Variants in SLIT2 observed in about 807,000 individuals in gnomAD.
SLIT2 encodes slit guidance ligand 2.
Under a neutral mutation model 185.7 loss-of-function variants are expected in SLIT2, and 41 were observed. The ratio of observed to expected loss-of-function variants is 0.22; its 90% confidence interval spans 0.17 to 0.29. SLIT2 has a LOEUF of 0.29. Among genes scored for constraint, SLIT2 ranks in the 10% least tolerant of loss-of-function variants. SLIT2 has a pLI of 1.00. For missense variants in SLIT2, 1,571 were observed against 1,909.0 expected (o/e 0.82, Z 3.30); for synonymous variants, 693 against 680.2 (o/e 1.02, Z -0.29).
chr4:20,563,903 A>G (rs1724887361), intron 26 of SLIT2, among the ~76,000 whole-genome samples: 2 of 151,888 alleles, frequency 1.3e-5, no homozygotes, highest in Admixed American at 1.3e-4. Flanking sequence ...AATGGCTGCC[A>G]TTATCCTAAT....
Position 20,567,258 on chromosome 4 carries a change from T to C in SLIT2, c.2726-4T>C, listed in dbSNP as rs1458590680. 6.3e-7 allele frequency: 1 copy of C among 1,597,344 alleles called. No individual in the cohort carries two copies. The highest frequency in any genetic ancestry group is 1.4e-5 in the African/African-American group (1 of 73,742). On this transcript the variant is annotated splice_region_variant and splice_polypyrimidine_tract_variant and intron_variant, in intron 26 of 36. Transcript: ENST00000504154. ...GTTGCTTATATTTTTGAATTAATTTTCAGGTCCTGTGGATGTCAATATTCT... is the reference window on the plus strand; with the variant it reads ...GTTGCTTATATTTTTGAATTAATTTCCAGGTCCTGTGGATGTCAATATTCT...
At chr4:20,549,915 C>T (rs1164511214) in intron 24 of SLIT2, among the ~76,000 whole-genome samples, 2 of 151,954 alleles carry the variant, frequency 1.3e-5, no homozygotes, top group African/African-American at 2.4e-5. Context: ...CTATACAGTA[C>T]TCTAATGAAC....
chr4:20,260,690 G>T (rs1037371309), intron 3 of SLIT2, among the ~76,000 whole-genome samples: 2 of 151,730 alleles, frequency 1.3e-5, no homozygotes, highest in African/African-American at 4.8e-5. Context: ...TAATCTGCAA[G>T]AAACAGTCAT....
chr4:20,443,943 T>C (rs1309525521), intron 4 of SLIT2, among the ~76,000 whole-genome samples: 1 of 152,138 alleles, frequency 6.6e-6, no homozygotes, highest in Non-Finnish European at 1.5e-5. Context: ...AAAAGTCTAC[T>C]GGTTTGGCAG....
intron 4 of SLIT2, among the ~76,000 whole-genome samples, chr4:20,379,755 G>A (rs1724339421): frequency 6.6e-6 from 1 of 152,196 alleles, no homozygotes; most frequent in Admixed American, 6.5e-5. Flanking sequence ...AGCAGGACAG[G>A]AGAGAAATTT....
intron 4 of SLIT2, among the ~76,000 whole-genome samples, chr4:20,363,772 A>G (rs1468902772): frequency 1.3e-5 from 2 of 152,126 alleles, no homozygotes; most frequent in Non-Finnish European, 2.9e-5. Flanking sequence ...GGAAATATTT[A>G]AATGTAAAAT....
chr4:20,606,810 A>G (rs1403380856), intron 33 of SLIT2, among the ~76,000 whole-genome samples: 2 of 152,220 alleles, frequency 1.3e-5, no homozygotes, highest in African/African-American at 4.8e-5. Flanking sequence ...TAGTAAATGA[A>G]TCAAGTTTTG....
At chr4:20,395,191 G>A (rs1296644784) in intron 4 of SLIT2, among the ~76,000 whole-genome samples, 1 of 151,988 alleles carries the variant, frequency 6.6e-6, no homozygotes, top group Non-Finnish European at 1.5e-5. Context: ...GTGAGTGGGT[G>A]TTTTGCTATA....
chr4:20,362,018 T>C (rs947058726), intron 4 of SLIT2, among the ~76,000 whole-genome samples: 1 of 152,112 alleles, frequency 6.6e-6, no homozygotes, highest in African/African-American at 2.4e-5. Flanking sequence ...TTTGCTACAC[T>C]GTATTAAGAA....
intron 15 of SLIT2, among the ~76,000 whole-genome samples, chr4:20,527,630 T>C (rs1027006029): frequency 1.3e-5 from 2 of 152,202 alleles, no homozygotes. Flanking sequence ...ATTTGCACTA[T>C]GCATCTTTTA....
intron 4 of SLIT2, among the ~76,000 whole-genome samples, chr4:20,423,993 A>T (rs544931721): frequency 6.6e-6 from 1 of 152,232 alleles, no homozygotes; most frequent in South Asian, 2.1e-4. Flanking sequence ...TTTACTTTTA[A>T]AGATTGATTC....
At chr4:20,329,073 G>T (rs1206091909) in intron 4 of SLIT2, among the ~76,000 whole-genome samples, 4 of 152,062 alleles carry the variant, frequency 2.6e-5, no homozygotes, top group Non-Finnish European at 5.9e-5. Flanking sequence ...GCTAACGAAT[G>T]TCCACTAGAT....
intron 34 of SLIT2, chr4:20,616,366 G>C (rs1034706898): frequency 2.6e-5 from 4 of 152,266 alleles, no homozygotes; most frequent in Non-Finnish European, 5.9e-5. Context: ...AGATAGAGGA[G>C]TTCTTCTCAT....
chr4:20,581,556 C>T (rs893473752), intron 29 of SLIT2, among the ~76,000 whole-genome samples: 8 of 152,100 alleles, frequency 5.3e-5, no homozygotes, highest in Non-Finnish European at 1.0e-4. Context: ...AGACAACTCC[C>T]TTTCTCTCTT....
At chr4:20,607,696 A>T (rs1014883562) in intron 33 of SLIT2, among the ~76,000 whole-genome samples, 1 of 152,190 alleles carries the variant, frequency 6.6e-6, no homozygotes, top group Non-Finnish European at 1.5e-5. Context: ...ATCATTGATG[A>T]TGACATGACT....
rs186108791 is a variant in SLIT2 at position 20,619,019 on chromosome 4, C to T, written c.*10C>T. ...GAGGTGTGTGTCCTAAACACACTCCCGGCAGCTCTGTCTTTGGAAAAGGTT... is the reference window on the plus strand; with the variant it reads ...GAGGTGTGTGTCCTAAACACACTCCTGGCAGCTCTGTCTTTGGAAAAGGTT... On this transcript the variant is annotated 3_prime_UTR_variant, in exon 37 of 37. Coordinates refer to ENST00000504154, the MANE Select transcript of SLIT2 (RefSeq NM_004787.4). 3.2e-4 allele frequency: 516 copies of T among 1,603,706 alleles called. 2 individuals are homozygous for T. The African/African-American group carries it at 5.4e-3, about 17-fold the overall frequency.
intron 4 of SLIT2, among the ~76,000 whole-genome samples, chr4:20,352,076 G>C (rs1721926266): frequency 6.6e-6 from 1 of 152,202 alleles, no homozygotes; most frequent in Non-Finnish European, 1.5e-5. Flanking sequence ...GTTTATGCTG[G>C]CAAAGTGTCA....
intron 4 of SLIT2, among the ~76,000 whole-genome samples, chr4:20,300,678 A>T (rs1716958003): frequency 1.3e-5 from 2 of 152,126 alleles, no homozygotes; most frequent in Admixed American, 6.6e-5. Flanking sequence ...ATGATAATGG[A>T]CATATATTAT....
intron 4 of SLIT2, among the ~76,000 whole-genome samples, chr4:20,373,506 A>T (rs1342213787): frequency 6.6e-6 from 1 of 151,910 alleles, no homozygotes; most frequent in Non-Finnish European, 1.5e-5. Context: ...CTAAAATTTT[A>T]TCTATCCTGT....
Sources: gnomAD v4.1 joint callset for allele counts (sites outside exome capture counted in the v4.1 genomes callset) on GRCh38, gnomAD v4.1.1 for gene constraint, MANE v1.5 for transcripts, NCBI Gene and HGNC (gene_info 2026-07-23, HGNC 2026-07-21) for gene names.